Variants in SNRPB observed in about 807,000 individuals in gnomAD.
The protein encoded by SNRPB is small nuclear ribonucleoprotein-associated proteins B and B'.
SNRPB carries 5 observed loss-of-function variants against 26.6 expected under a neutral mutation model. The ratio of observed to expected loss-of-function variants is 0.19; its 90% CI spans 0.10 to 0.39. The LOEUF (loss-of-function observed/expected upper bound fraction) is 0.39. SNRPB is among the 10% of genes least tolerant of loss of function. The pLI is 1.00. For missense variants in SNRPB, 211 were observed against 311.9 expected (o/e 0.68, Z 2.44); for synonymous variants, 122 against 105.8 (o/e 1.15, Z -0.94).
At chr20:2,464,166 C>T (rs1013397407) in intron 3 of SNRPB, among the ~76,000 whole-genome samples, 1 of 152,146 alleles carries the variant, frequency 6.6e-6, no homozygotes, top group Non-Finnish European at 1.5e-5. Context: ...AAAGTTAAAC[C>T]AAGAGCAAAG....
At position 2,463,202 on chromosome 20, in the gene SNRPB, G is replaced by C; in HGVS notation, c.446C>G (p.Thr149Ser). 1 of 1,613,120 alleles carries C rather than the reference G, an allele frequency of 6.2e-7. No homozygotes were observed. The highest frequency in any genetic ancestry group is 8.5e-7 in the Non-Finnish European group (1 of 1,179,220). The change falls in exon 5 of 7, where the codon ACT (threonine) becomes AGT (serine). Residue 149 changes from threonine (T) to serine (S), a missense_variant. Physicochemically the swap from Thr to Ser is moderately conservative, Grantham distance 58. Transcript: ENST00000381342. The surrounding 1 kb of genome is among the most constrained non-coding windows in gnomAD (Gnocchi z 5.0). ...QQVMTPQGRG[T>S]VAAAAAAATA... ...GGCAGCAGCTGCAGCGGCTGCAACAGTACCTCTTCCTTGTGGGGTCATCAC... is the reference window on the plus strand; with the variant it reads ...GGCAGCAGCTGCAGCGGCTGCAACACTACCTCTTCCTTGTGGGGTCATCAC...
intron 3 of SNRPB, among the ~76,000 whole-genome samples, 198 bp downstream of exon 3, chr20:2,465,508 CCT>C (rs1225311626): frequency 6.6e-6 from 1 of 151,796 alleles, no homozygotes; most frequent in African/African-American, 2.4e-5. Context: ...CTCTTGCCTC[CCT>C]GAGAGCTGGG....
chr20:2,461,830 G>T lies in SNRPB; in HGVS notation c.*99C>A. The T allele has an allele frequency of 6.2e-7, 1 of 1,613,894 alleles. No individual in the cohort carries two copies. Among genetic ancestry groups the T allele is most frequent in the Non-Finnish European group, 8.5e-7 (1 of 1,179,846 alleles). The stretch of plus-strand genomic sequence containing the variant: ...ACCAGACAATCCCATGAGACTCCAC[G>T]AACAACAGCATAAGAAACAAACAGG... On this transcript the variant is annotated 3_prime_UTR_variant, in exon 7 of 7. Transcript: ENST00000381342.
In SNRPB at chr20:2,470,739, G is replaced by A. The variant is rs758698976; in HGVS notation, c.-49C>T. On this transcript the variant is annotated 5_prime_UTR_variant, in exon 1 of 7. Transcript: ENST00000381342. ...TACCCGCCGGATTCGCCTCCTCAGA[G>A]GCCTAGCCTCTCTCCCACAGCCGAT... The A allele has an allele frequency of 3.7e-6, 6 of 1,608,844 alleles. No homozygotes were observed. Among genetic ancestry groups the A allele is most frequent in the South Asian group, 2.2e-5 (2 of 91,020 alleles).
chr20:2,468,599 A>G (rs1180139416), intron 1 of SNRPB, among the ~76,000 whole-genome samples: 1 of 152,206 alleles, frequency 6.6e-6, no homozygotes, highest in African/African-American at 2.4e-5. Flanking sequence ...CTCAGACAAC[A>G]AAGTTCTGAA....
At chr20:2,465,913 C>G in intron 2 of SNRPB, 94 bp from the exon 3 acceptor site, 1 of 870,346 alleles carries the variant, frequency 1.1e-6, no homozygotes, top group South Asian at 1.4e-5. Flanking sequence ...ACTGCATCTC[C>G]TAACAAACAG....
intron 2 of SNRPB, among the ~76,000 whole-genome samples, chr20:2,466,324 G>A (rs1290547997): frequency 6.6e-6 from 1 of 152,116 alleles, no homozygotes; most frequent in East Asian, 1.9e-4. Flanking sequence ...AAAAGGTTAA[G>A]AGAAATTTCA....
intron 1 of SNRPB, among the ~76,000 whole-genome samples, chr20:2,470,056 AATTATATT>A (rs1176671064): frequency 2.6e-5 from 4 of 152,186 alleles, no homozygotes; most frequent in Admixed American, 2.6e-4. Flanking sequence ...GACCACACTG[AATTATATT>A]ATGTGTCCCC....
At position 2,463,017 on chromosome 20, in the gene SNRPB, G is replaced by T. The variant is rs1163811759; in HGVS notation, c.559+72C>A. ...AAACTCATCATCAGCTTCAGTCAAG[G>T]TTATATCTCATCATTAATCCAGCTA... is the stretch of plus-strand genomic sequence containing the variant. On this transcript the variant is annotated intron_variant, in intron 5 of 6. Coordinates refer to ENST00000381342, the MANE Select transcript of SNRPB (RefSeq NM_003091.4). This position sits in a 1 kb window ranked among gnomAD's most constrained non-coding sequence, Gnocchi z 5.0. 1.5e-6 allele frequency: 2 copies of T among 1,328,954 alleles called. No individual in the cohort carries two copies. Among genetic ancestry groups the T allele is most frequent in the African/African-American group, 1.5e-5 (1 of 67,960 alleles). The allele number at this position is 1,328,954 out of a possible 1,614,324, so 82.3% of individuals were successfully genotyped here. A position where few individuals can be genotyped will look rare whatever the true frequency, so the allele number is the denominator to read the frequency against.
intron 1 of SNRPB, 117 bp from the exon 2 acceptor site, chr20:2,467,875 C>A (rs2085085134): frequency 2.1e-6 from 2 of 957,828 alleles, no homozygotes. Context: ...TCAACAGATT[C>A]TTAGCTCAGT....
rs1389927434 is a variant in SNRPB, at chr20:2,463,860, C to A, written c.307G>T (p.Gly103Cys). The A allele has an allele frequency of 2.5e-6, 4 of 1,613,428 alleles. No homozygotes were observed. Residue 103 changes from glycine to cysteine, a missense_variant, in exon 4 of 7, where the codon GGC becomes TGC. Coordinates refer to ENST00000381342, the MANE Select transcript of SNRPB (RefSeq NM_003091.4). This position sits in a 1 kb window ranked among gnomAD's most constrained non-coding sequence, Gnocchi z 5.0. ...CCAGCAGCCCTGCCGATCCCTGGGC[C>A]CCCGGCAGCTCCAGCAAGTGGAACT... Reference protein sequence around the residue: ...ARVPLAGAAGGPGIGRAAGRG... With the variant: ...ARVPLAGAAGCPGIGRAAGRG...
At chr20:2,464,035 A>T in intron 3 of SNRPB, 136 bp from the exon 4 acceptor site, 1 of 735,014 alleles carries the variant, frequency 1.4e-6, no homozygotes, top group East Asian at 2.7e-5. Context: ...CTACCTCTCC[A>T]TGTGTGCCAA....
At chr20:2,464,875 T>TAAA (rs776217943) in intron 3 of SNRPB, among the ~76,000 whole-genome samples, 1 of 40,136 alleles carries the variant, frequency 2.5e-5, no homozygotes, top group African/African-American at 5.0e-5. Flanking sequence ...TCTAAAAATC[T>TAAA]AAAAAAAAAA....
In SNRPB at chr20:2,461,736, T is replaced by C; in HGVS notation, c.*193A>G. On this transcript the variant is annotated 3_prime_UTR_variant, in exon 7 of 7. Coordinates refer to ENST00000381342, the MANE Select transcript of SNRPB (RefSeq NM_003091.4). ...GCCTTACGGGAAACAGGCAGGGAGCTGAGGAGGGCCAAGATGAGTCTAGGG... is the reference window on the plus strand; with the variant it reads ...GCCTTACGGGAAACAGGCAGGGAGCCGAGGAGGGCCAAGATGAGTCTAGGG... 1 of 1,569,492 alleles carries C rather than the reference T, an allele frequency of 6.4e-7. No individual in the cohort carries two copies. Among genetic ancestry groups the C allele is most frequent in the Non-Finnish European group, 8.6e-7 (1 of 1,156,398 alleles).
chr20:2,469,250 T>C (rs1185151841), intron 1 of SNRPB, among the ~76,000 whole-genome samples: 1 of 152,208 alleles, frequency 6.6e-6, no homozygotes, highest in East Asian at 1.9e-4. Context: ...TGTTGGAACC[T>C]AGACAAAATG....
intron 2 of SNRPB, among the ~76,000 whole-genome samples, chr20:2,466,305 C>A (rs1228015673): frequency 6.6e-6 from 1 of 152,030 alleles, no homozygotes; most frequent in East Asian, 1.9e-4. Flanking sequence ...TAGGAGAAGC[C>A]ATAGAAGGAA....
At chr20:2,462,611 C>T (rs748583125) in intron 6 of SNRPB, 25 bp downstream of exon 6, 23 of 1,609,510 alleles carry the variant, frequency 1.4e-5, no homozygotes, top group Non-Finnish European at 2.0e-5. Flanking sequence ...GGAAAGAAGC[C>T]AAAGTCACCA....
Position 2,463,135 on chromosome 20 carries a change from GCCAGGT to G in SNRPB, c.507_512del (p.Pro170_Gly171del). On this transcript the variant is annotated inframe_deletion, in exon 5 of 7. Transcript: ENST00000381342. This position sits in a 1 kb window ranked among gnomAD's most constrained non-coding sequence, Gnocchi z 5.0. ...CCATAGGTGGGGGAGGACCCCCACG[GCCAGGT>G]GGGTACTGGGTTGGAGCCCCGGCAA... 1 of 1,608,166 alleles carries G rather than the reference GCCAGGT, an allele frequency of 6.2e-7. No individual in the cohort carries two copies. The highest frequency in any genetic ancestry group is 8.5e-7 in the Non-Finnish European group (1 of 1,176,642).
chr20:2,463,124 G>A lies in SNRPB; in HGVS notation c.524C>T (p.Pro175Leu), dbSNP rs2122484745. ...PTQYPPGRGGPPPPMGRGAPP... is the reference protein window; with the variant it reads ...PTQYPPGRGGLPPPMGRGAPP... ...TGCTCCTCGGCCCATAGGTGGGGGA[G>A]GACCCCCACGGCCAGGTGGGTACTG... The change falls in exon 5 of 7, where the codon CCT (proline) becomes CTT (leucine). Residue 175 changes from proline (P) to leucine (L), a missense_variant. Pro to Leu is a moderately conservative substitution (Grantham distance 98). Coordinates refer to ENST00000381342, the MANE Select transcript of SNRPB (RefSeq NM_003091.4). This position sits in a 1 kb window ranked among gnomAD's most constrained non-coding sequence, Gnocchi z 5.0. 1 of 1,602,474 alleles carries A rather than the reference G, an allele frequency of 6.2e-7. No individual in the cohort carries two copies. The highest frequency in any genetic ancestry group is 1.1e-5 in the South Asian group (1 of 89,716).
Sources: allele counts gnomAD v4.1 joint callset (sites outside exome capture counted in the v4.1 genomes callset), GRCh38; gene constraint gnomAD v4.1.1; non-coding constraint Gnocchi (gnomAD v3.1); transcripts MANE v1.5; gene names NCBI Gene and HGNC (gene_info 2026-07-23, HGNC 2026-07-21).